Variants in SHANK1 observed in about 807,000 individuals in gnomAD.
SHANK1 encodes SH3 and multiple ankyrin repeat domains 1.
Under a neutral mutation model 165.6 loss-of-function variants are expected in SHANK1, and 35 were observed. The ratio of observed to expected loss-of-function variants is 0.21; its 90% CI spans 0.16 to 0.28. SHANK1 has a LOEUF of 0.28. Among genes scored for constraint, SHANK1 ranks in the 10% least tolerant of loss-of-function variants. The pLI, the probability that SHANK1 is intolerant of heterozygous loss-of-function variation, is 1.00. For synonymous variants in SHANK1, 1,428 were observed against 1,384.8 expected (o/e 1.03, Z -0.69); for missense variants, 2,681 against 3,036.4 (o/e 0.88, Z 2.75).
Position 50,668,415 on chromosome 19 carries a change from G to C in SHANK1, c.3545C>G (p.Pro1182Arg), listed in dbSNP as rs772381856. The C allele has an allele frequency of 1.5e-6, 2 of 1,325,846 alleles. No homozygotes were observed. Among genetic ancestry groups the C allele is most frequent in the South Asian group, 2.8e-5 (1 of 35,666 alleles). The allele number at this position is 1,325,846 out of a possible 1,614,324, so 82.1% of individuals were successfully genotyped here. Residue 1182 changes from proline (P) to arginine (R), a missense_variant, in exon 23 of 24, where the codon CCC becomes CGC. Physicochemically the swap from Pro to Arg is moderately radical, Grantham distance 103. Transcript: ENST00000293441. ...SQGSSTEAEPPTQPEPTGGGG... is the reference protein window; with the variant it reads ...SQGSSTEAEPRTQPEPTGGGG... ...GCCTCCCGTGGGCTCCGGCTGGGTG[G>C]GGGGCTCCGCCTCGGTGCTGCTGCC...
intron 21 of SHANK1, among the ~76,000 whole-genome samples, chr19:50,684,999 CAAA>C (rs1986288670): frequency 1.3e-5 from 2 of 152,208 alleles, no homozygotes; most frequent in African/African-American, 4.8e-5. Context: ...GGCAGCCTGC[CAAA>C]GAGATCCATG....
chr19:50,708,732 AC>A (rs2088974032), intron 8 of SHANK1, among the ~76,000 whole-genome samples: 1 of 152,218 alleles, frequency 6.6e-6, no homozygotes, highest in Admixed American at 6.5e-5. Context: ...GGCACTGTGC[AC>A]AGTCTTGGTG....
In SHANK1 at chr19:50,668,697, G is replaced by T; in HGVS notation, c.3263C>A (p.Pro1088His). 7.7e-7 allele frequency: 1 copy of T among 1,303,274 alleles called. No homozygotes were observed. The highest frequency in any genetic ancestry group is 9.7e-7 in the Non-Finnish European group (1 of 1,032,206). 80.7% of individuals were successfully genotyped at this position (1,303,274 alleles called of 1,614,324 possible). ...QGPALRYFQL[P>H]PRAASAAMYV... ...CATGGCTGCGCTGGCCGCCCGCGGGGGCAGCTGGAAATAGCGTAGAGCCGG... is the reference window on the plus strand; with the variant it reads ...CATGGCTGCGCTGGCCGCCCGCGGGTGCAGCTGGAAATAGCGTAGAGCCGG... Residue 1088 changes from proline (P) to histidine (H), a missense_variant, in exon 23 of 24, where the codon CCC (proline) becomes CAC (histidine). By Grantham distance (77) the Pro-to-His change is moderately conservative (BLOSUM62 -2). Coordinates refer to ENST00000293441, the MANE Select transcript of SHANK1 (RefSeq NM_016148.5).
Position 50,668,550 on chromosome 19 carries a change from G to A in SHANK1, c.3410C>T (p.Ser1137Phe), listed in dbSNP as rs996536714. ...GGCCACGGCGGGCGGCGGCTGCGGG[G>A]AGGCCGGGGACGTGGGCGACGGCGC... is the stretch of plus-strand genomic sequence containing the variant. ...PPAPSPTSPA[S>F]PQPPPAVAAP... Residue 1137 changes from serine (S) to phenylalanine (F), a missense_variant, in exon 23 of 24, where the codon TCC (serine) becomes TTC (phenylalanine). Around this residue, in one of 10 missense-constraint regions of SHANK1, gnomAD observed 1,713 missense variants for 1,630.2 expected, o/e 1.05. Coordinates refer to ENST00000293441, the MANE Select transcript of SHANK1 (RefSeq NM_016148.5). The A allele has an allele frequency of 3.7e-6, 5 of 1,353,452 alleles. No homozygotes were observed. The highest frequency in any genetic ancestry group is 3.2e-5 in the Admixed American group (1 of 31,680). 83.8% of individuals were successfully genotyped at this position (1,353,452 alleles called of 1,614,324 possible). A position where few individuals can be genotyped will look rare whatever the true frequency, so the allele number is the denominator to read the frequency against.
At position 50,669,020 on chromosome 19, in the gene SHANK1, C is replaced by T. The variant is rs1985689216; in HGVS notation, c.2940G>A (p.Val980=). The T allele has an allele frequency of 3.5e-6, 3 of 851,296 alleles. No homozygotes were observed. 52.7% of individuals were successfully genotyped at this position (851,296 alleles called of 1,614,324 possible). ...FDGPSPPDTR[V]GSREKSLYHS... ...GGTACAGGCTCTTCTCGCGGCTCCC[C>T]ACGCGAGTGTCGGGAGGGGAGGGCC... The change falls in exon 23 of 24, where the codon GTG becomes GTA. Residue 980 remains valine (V), a synonymous_variant. Transcript: ENST00000293441.
chr19:50,668,975 CG>C lies in SHANK1; in HGVS notation c.2984del (p.Pro995ArgfsTer348). ...GGTGGTGGGGCGGGTGGTGGTGGGC[CG>C]GGGGCAGGGGCCCACTGTGGTACAG... ...KSLYHSGPLP[P>X]AHHHPPHHHH... On this transcript the variant is annotated frameshift_variant, in exon 23 of 24. Transcript: ENST00000293441. LOFTEE classifies it high-confidence loss of function. The C allele has an allele frequency of 9.4e-6, 2 of 212,002 alleles. No individual in the cohort carries two copies. Among genetic ancestry groups the C allele is most frequent in the South Asian group, 2.9e-5 (1 of 33,964 alleles). The allele number at this position is 212,002 out of a possible 1,614,324, so 13.1% of individuals were successfully genotyped here. A position where few individuals can be genotyped will look rare whatever the true frequency, so the allele number is the denominator to read the frequency against.
intron 21 of SHANK1, among the ~76,000 whole-genome samples, chr19:50,677,814 C>T (rs1032773299): frequency 3.9e-5 from 6 of 152,186 alleles, no homozygotes; most frequent in African/African-American, 1.2e-4. Context: ...CCTGCTTTGA[C>T]GGATTTCCTG....
At chr19:50,712,384 G>A (rs189212102) in intron 6 of SHANK1, among the ~76,000 whole-genome samples, 150 of 152,330 alleles carry the variant, frequency 9.8e-4, no homozygotes, top group African/African-American at 3.4e-3. Context: ...TTCCCCCTGG[G>A]GGCGATCTTG....
In SHANK1 at chr19:50,717,615, T is replaced by C. The variant is rs1027387744; in HGVS notation, c.-43-653A>G. On this transcript the variant is annotated intron_variant, in intron 1 of 23. Coordinates refer to ENST00000293441, the MANE Select transcript of SHANK1 (RefSeq NM_016148.5). This position sits in a 1 kb window ranked among gnomAD's most constrained non-coding sequence, Gnocchi z 5.5. The stretch of plus-strand genomic sequence containing the variant: ...GGTGTCATGGGCAGAGCATTTGGCC[T>C]AGGGTGTCCCCAAGGGAACCACAAG... 3.3e-5 allele frequency among the ~76,000 whole-genome samples: 5 copies of C among 152,106 alleles called. No homozygotes were observed. The highest frequency in any genetic ancestry group is 1.3e-4 in the Admixed American group (2 of 15,276).
chr19:50,669,872 A>G (rs1475181074), intron 22 of SHANK1, among the ~76,000 whole-genome samples: 2 of 152,086 alleles, frequency 1.3e-5, no homozygotes, highest in East Asian at 3.9e-4. Flanking sequence ...GGAGTTGGGG[A>G]AAGCTGAATC....
In SHANK1 at chr19:50,716,633, C is replaced by A; in HGVS notation, c.255+32G>T. ...CCATGTCGGTTGGGGCACTGTCCCT[C>A]TCCTGCCGCTGGCCAGTGGGCAGGT... On this transcript the variant is annotated intron_variant, in intron 2 of 23. Coordinates refer to ENST00000293441, the MANE Select transcript of SHANK1 (RefSeq NM_016148.5). The surrounding 1 kb of genome is among the most constrained non-coding windows in gnomAD (Gnocchi z 8.4). 1 of 1,551,384 alleles carries A rather than the reference C, an allele frequency of 6.4e-7. No individual in the cohort carries two copies. Among genetic ancestry groups the A allele is most frequent in the Admixed American group, 1.9e-5 (1 of 53,234 alleles).
intron 15 of SHANK1, among the ~76,000 whole-genome samples, chr19:50,691,895 C>A (rs535273123): frequency 4.2e-4 from 64 of 152,148 alleles, no homozygotes; most frequent in African/African-American, 1.5e-3. Context: ...ATCTTTCCCA[C>A]GCTGGTCTTG....
At position 50,703,817 on chromosome 19, in the gene SHANK1, C is replaced by T. The variant is rs749233108; in HGVS notation, c.1236G>A (p.Glu412=). ...GTCGCCGGGCCGCGTACTTGGGGGA[C>T]TCCTGGAAGGGCACTGAGAGGGCAC... is the stretch of plus-strand genomic sequence containing the variant. ...HREQDVVPFQ[E]SPKYAARRRG... Residue 412 remains glutamate (E), a synonymous_variant, in exon 11 of 24, where the codon GAG becomes GAA. Coordinates refer to ENST00000293441, the MANE Select transcript of SHANK1 (RefSeq NM_016148.5). 6 of 1,428,538 alleles carry T rather than the reference C, an allele frequency of 4.2e-6. No homozygotes were observed. The East Asian group carries it at 7.6e-5, about 18-fold the overall frequency. 88.5% of individuals were successfully genotyped at this position (1,428,538 alleles called of 1,614,324 possible). A position where few individuals can be genotyped will look rare whatever the true frequency, so the allele number is the denominator to read the frequency against.
Position 50,697,961 on chromosome 19 carries a change from A to T in SHANK1, c.1748-5T>A. On this transcript the variant is annotated splice_polypyrimidine_tract_variant and splice_region_variant and intron_variant, in intron 12 of 23. Transcript: ENST00000293441. This position sits in a 1 kb window ranked among gnomAD's most constrained non-coding sequence, Gnocchi z 4.7. ...CTCCTTCCCCGATGCTAAGTACTGG[A>T]TGGGGAACGGGGACATAGAGACATT... 2 of 1,598,164 alleles carry T rather than the reference A, an allele frequency of 1.3e-6. No homozygotes were observed. The highest frequency in any genetic ancestry group is 1.7e-6 in the Non-Finnish European group (2 of 1,166,042).
Position 50,686,608 on chromosome 19 carries a change from A to AGGT in SHANK1, c.2458+135_2458+136insACC. The AGGT allele has an allele frequency of 2.9e-6, 2 of 693,400 alleles. No homozygotes were observed. The highest frequency in any genetic ancestry group is 4.6e-6 in the Non-Finnish European group (2 of 432,922). 43.0% of individuals were successfully genotyped at this position (693,400 alleles called of 1,614,324 possible). ...GCAGCCGTCGGGAGAGGGCGGGCGG[A>AGGT]GGGAGGGGAGGTGGGATCGCAGCCT... On this transcript the variant is annotated intron_variant, in intron 20 of 23. Transcript: ENST00000293441. This position sits in a 1 kb window ranked among gnomAD's most constrained non-coding sequence, Gnocchi z 5.7.
chr19:50,669,295 T>C lies in SHANK1; in HGVS notation c.2675-10A>G. ...TCATCTTCTGCCGCACCTGGGGAGA[T>C]ACAGAGGCTCAAGGAGGGGGACCCT... On this transcript the variant is annotated splice_polypyrimidine_tract_variant and intron_variant, in intron 22 of 23. Transcript: ENST00000293441. The C allele has an allele frequency of 1.3e-6, 2 of 1,597,782 alleles. No individual in the cohort carries two copies. The highest frequency in any genetic ancestry group is 1.1e-5 in the South Asian group (1 of 89,606).
At chr19:50,703,937 C>T in intron 10 of SHANK1, 107 bp from the exon 11 acceptor site, 1 of 729,944 alleles carries the variant, frequency 1.4e-6, no homozygotes. Context: ...GGGAGAAAGA[C>T]AGAGATGAGA....
At position 50,711,461 on chromosome 19, in the gene SHANK1, G is replaced by A. The variant is rs766070000; in HGVS notation, c.987C>T (p.His329=). The change falls in exon 8 of 24, where the codon CAC becomes CAT. Residue 329 remains histidine, a synonymous_variant. Coordinates refer to ENST00000293441, the MANE Select transcript of SHANK1 (RefSeq NM_016148.5). ...HQACQRGHSQ[H]LEHLLFYGAE... Reference sequence around the variant, plus strand: ...CCCCGTAGAAAAGCAGATGCTCCAGGTGCTGAGAGTGACCCCGCTGGCAGG... The same window carrying A: ...CCCCGTAGAAAAGCAGATGCTCCAGATGCTGAGAGTGACCCCGCTGGCAGG... 6.4e-7 allele frequency: 1 copy of A among 1,571,266 alleles called. No individual in the cohort carries two copies. The highest frequency in any genetic ancestry group is 8.6e-7 in the Non-Finnish European group (1 of 1,158,510).
Position 50,668,334 on chromosome 19 carries a change from G to A in SHANK1, c.3626C>T (p.Pro1209Leu). ...GGGGGTGGGCACGGGCGAGGGGGAC[G>A]GGGGCACGGGTGACATGGCCGGGGC... ...SPAPAMSPVPPSPSPVPTPAS... is the reference protein window; with the variant it reads ...SPAPAMSPVPLSPSPVPTPAS... The change falls in exon 23 of 24, where the codon CCG (proline) becomes CTG (leucine). Residue 1209 changes from proline (P) to leucine (L), a missense_variant. Coordinates refer to ENST00000293441, the MANE Select transcript of SHANK1 (RefSeq NM_016148.5). 1 of 1,261,214 alleles carries A rather than the reference G, an allele frequency of 7.9e-7. No homozygotes were observed. 78.1% of individuals were successfully genotyped at this position (1,261,214 alleles called of 1,614,324 possible).
Sources: gnomAD v4.1 joint callset for allele counts (sites outside exome capture counted in the v4.1 genomes callset) on GRCh38, gnomAD v4.1.1 for gene constraint, gnomAD v4.1.1 regional missense constraint, Gnocchi (gnomAD v3.1) non-coding constraint, MANE v1.5 for transcripts, NCBI Gene and HGNC (gene_info 2026-07-23, HGNC 2026-07-21) for gene names.